The following ABCD3 variants were observed in gnomAD, a reference collection of about 807,000 sequenced individuals.
ABCD3 encodes ATP-binding cassette sub-family D member 3.
ABCD3 carries 41 observed loss-of-function variants against 105.5 expected under a neutral mutation model. That is an observed-to-expected ratio of 0.39 (90% confidence interval 0.30 to 0.50). The LOEUF (loss-of-function observed/expected upper bound fraction) is 0.50, where lower values mean the gene tolerates loss of function less well. Ranked by LOEUF, ABCD3 falls within the 20% of genes least tolerant of loss-of-function variation. The pLI, the probability that ABCD3 is intolerant of heterozygous loss-of-function variation, is 0.84. For synonymous variants in ABCD3, 258 were observed against 269.0 expected (o/e 0.96, Z 0.40); for missense variants, 622 against 806.3 (o/e 0.77, Z 2.77).
At position 94,418,429 on chromosome 1, in the gene ABCD3, CCG is replaced by C; in HGVS notation, c.-48_-47del. ...GCTGCGTGCAGTAAGGTAGCCGCCG[CCG>C]CCGCCGCCGCCGCGTCCCCTCGCCG... is the stretch of plus-strand genomic sequence containing the variant. On this transcript the variant is annotated 5_prime_UTR_variant, in exon 1 of 23. Coordinates refer to ENST00000370214, the MANE Select transcript of ABCD3 (RefSeq NM_002858.4). The C allele has an allele frequency of 6.6e-7, 1 of 1,514,708 alleles. No individual in the cohort carries two copies. The highest frequency in any genetic ancestry group is 8.9e-7 in the Non-Finnish European group (1 of 1,121,626). The allele number at this position is 1,514,708 out of a possible 1,614,324, so 93.8% of individuals were successfully genotyped here.
chr1:94,454,102 C>T (rs1032378311), intron 1 of ABCD3, among the ~76,000 whole-genome samples: 7 of 151,564 alleles, frequency 4.6e-5, no homozygotes, highest in Non-Finnish European at 8.8e-5. Context: ...TACATATACA[C>T]GTATTTGATG....
chr1:94,493,626 A>G (rs1474350236), intron 16 of ABCD3, among the ~76,000 whole-genome samples: 1 of 151,466 alleles, frequency 6.6e-6, no homozygotes, highest in South Asian at 2.1e-4. Flanking sequence ...TCATGCTGCT[A>G]TAAAGACACA....
intron 16 of ABCD3, among the ~76,000 whole-genome samples, chr1:94,494,663 T>C (rs1649709454): frequency 6.6e-6 from 1 of 152,216 alleles, no homozygotes; most frequent in Admixed American, 6.5e-5. Context: ...GGGTTACATT[T>C]GTAACCAAAT....
At position 94,489,918 on chromosome 1, in the gene ABCD3, A is replaced by C. The variant is rs1649452403; in HGVS notation, c.1265A>C (p.Gln422Pro). Residue 422 changes from glutamine (Q) to proline (P), a missense_variant, in exon 15 of 23, where the codon CAA (glutamine) becomes CCA (proline). Physicochemically the swap from Gln to Pro is moderately conservative, Grantham distance 76. This residue lies in a region of ABCD3 where 285 missense variants were observed against 352.5 expected (regional missense o/e 0.81). Coordinates refer to ENST00000370214, the MANE Select transcript of ABCD3 (RefSeq NM_002858.4). ...SQQEKGIEGV[Q>P]VIPLIPGAGE... ...TCCATTTAAGGTATTGAAGGAGTACAAGTCATTCCCTTGATACCTGGTGCT... is the reference window on the plus strand; with the variant it reads ...TCCATTTAAGGTATTGAAGGAGTACCAGTCATTCCCTTGATACCTGGTGCT... The C allele has an allele frequency of 6.2e-7, 1 of 1,613,046 alleles. No homozygotes were observed. Among genetic ancestry groups the C allele is most frequent in the African/African-American group, 1.3e-5 (1 of 74,882 alleles).
upstream of ABCD3, among the ~76,000 whole-genome samples, chr1:94,416,920 G>GATT (rs1229124606): frequency 1.3e-5 from 2 of 152,164 alleles, no homozygotes; most frequent in Non-Finnish European, 2.9e-5. Flanking sequence ...GTTAGCATTA[G>GATT]ATTATACCAT....
At chr1:94,483,003 A>G (rs1445366026) in intron 9 of ABCD3, 167 bp from the exon 10 acceptor site, 6 of 624,064 alleles carry the variant, frequency 9.6e-6, no homozygotes, top group Non-Finnish European at 1.5e-5. Context: ...CAGCTGAGCT[A>G]GGAACAGAAT....
chr1:94,406,137 T>C, the ABCD3 span, among the ~76,000 whole-genome samples: 1 of 151,906 alleles, frequency 6.6e-6, no homozygotes, highest in South Asian at 2.1e-4. Context: ...TTTTTTCAAA[T>C]GGTTATCCAG....
chr1:94,433,483 A>G (rs773163789), intron 1 of ABCD3, among the ~76,000 whole-genome samples: 1 of 151,926 alleles, frequency 6.6e-6, no homozygotes, highest in Non-Finnish European at 1.5e-5. Flanking sequence ...TTGTGTGAAC[A>G]TCATAGAGTG....
chr1:94,399,471 A>G, the ABCD3 span, among the ~76,000 whole-genome samples: 2 of 152,190 alleles, frequency 1.3e-5, no homozygotes, highest in Non-Finnish European at 2.9e-5. Flanking sequence ...TCAGTAGCCA[A>G]TGATTCCAAT....
chr1:94,512,974 C>T (rs1365420003), intron 21 of ABCD3, among the ~76,000 whole-genome samples: 3 of 151,998 alleles, frequency 2.0e-5, no homozygotes, highest in Non-Finnish European at 4.4e-5. Flanking sequence ...AGCAGTGTCA[C>T]CTAGGGGTTT....
intron 7 of ABCD3, among the ~76,000 whole-genome samples, chr1:94,477,227 CAAAAAAAAAAAA>C (rs561060182): frequency 2.3e-4 from 10 of 44,306 alleles, no homozygotes; most frequent in South Asian, 3.6e-3. Flanking sequence ...ACTTATAAGG[CAAAAAAAAAAAA>C]AAAAAAAAAA....
At chr1:94,421,294 A>C (rs1027550103) in intron 1 of ABCD3, among the ~76,000 whole-genome samples, 1 of 152,138 alleles carries the variant, frequency 6.6e-6, no homozygotes, top group Non-Finnish European at 1.5e-5. Context: ...TTTTTAAACA[A>C]ATGGATACAC....
upstream of ABCD3, among the ~76,000 whole-genome samples, chr1:94,414,504 C>T (rs552617456): frequency 2.0e-5 from 3 of 152,182 alleles, no homozygotes; most frequent in Admixed American, 2.0e-4. Context: ...GTTCCTCCTT[C>T]AGCCCACTCT....
intron 20 of ABCD3, among the ~76,000 whole-genome samples, chr1:94,502,342 T>C (rs377140375): frequency 2.4e-4 from 37 of 152,290 alleles, no homozygotes; most frequent in African/African-American, 8.9e-4. Flanking sequence ...CCTTCTACTT[T>C]TCAAAGAAAG....
At chr1:94,428,665 C>T (rs887425550) in intron 1 of ABCD3, among the ~76,000 whole-genome samples, 1 of 152,038 alleles carries the variant, frequency 6.6e-6, no homozygotes, top group African/African-American at 2.4e-5. Flanking sequence ...CTCTTTTTGC[C>T]TGCCGCCATC....
At chr1:94,448,717 C>A (rs1017678747) in intron 1 of ABCD3, among the ~76,000 whole-genome samples, 1 of 152,188 alleles carries the variant, frequency 6.6e-6, no homozygotes, top group Non-Finnish European at 1.5e-5. Context: ...GGCATTCCAG[C>A]TTCTATTAAA....
At chr1:94,478,962 T>TTA (rs1648900030) in intron 8 of ABCD3, among the ~76,000 whole-genome samples, 1 of 152,198 alleles carries the variant, frequency 6.6e-6, no homozygotes, top group African/African-American at 2.4e-5. Context: ...AAATGTAACT[T>TTA]TAGTCATTTA....
At chr1:94,473,278 TTAGGG>T (rs1648572521) in intron 4 of ABCD3, among the ~76,000 whole-genome samples, 1 of 152,182 alleles carries the variant, frequency 6.6e-6, no homozygotes, top group Non-Finnish European at 1.5e-5. Flanking sequence ...AGCGGAGCCC[TTAGGG>T]TGCACAAAGC....
chr1:94,477,393 CA>C (rs1350056120), intron 7 of ABCD3, among the ~76,000 whole-genome samples: 1 of 151,848 alleles, frequency 6.6e-6, no homozygotes, highest in Non-Finnish European at 1.5e-5. Flanking sequence ...TTTGGGAGGC[CA>C]AGGTGGGCAG....
Sources: gnomAD v4.1 joint callset for allele counts (sites outside exome capture counted in the v4.1 genomes callset) on GRCh38, gnomAD v4.1.1 for gene constraint, gnomAD v4.1.1 regional missense constraint, MANE v1.5 for transcripts, NCBI Gene and HGNC (gene_info 2026-07-23, HGNC 2026-07-21) for gene names.